RANBP9: variants seen among roughly 807,000 people sequenced by gnomAD.
RANBP9 encodes RAN binding protein 9, also known as ran-binding protein 9.
A neutral mutation model predicts 84.3 loss-of-function variants in RANBP9; 15 were observed. The observed-to-expected ratio is 0.18, with a 90% CI of 0.12 to 0.27. The LOEUF (loss-of-function observed/expected upper bound fraction) is 0.27. RANBP9 is among the 10% of genes least tolerant of loss of function. The pLI, the probability that RANBP9 is intolerant of heterozygous loss-of-function variation, is 1.00. For missense variants in RANBP9, 809 were observed against 912.8 expected (o/e 0.89, Z 1.46); for synonymous variants, 392 against 349.6 (o/e 1.12, Z -1.35).
intron 2 of RANBP9, among the ~76,000 whole-genome samples, chr6:13,676,224 A>G (rs889356452): frequency 6.6e-6 from 1 of 152,090 alleles, no homozygotes; most frequent in Admixed American, 6.6e-5. Context: ...TTCAAAAGTT[A>G]TCTGCATTCA....
intron 10 of RANBP9, among the ~76,000 whole-genome samples, chr6:13,635,655 G>C (rs1320800784): frequency 1.3e-5 from 2 of 151,154 alleles, no homozygotes; most frequent in African/African-American, 2.4e-5. Flanking sequence ...GGAAAAGGGG[G>C]ATATGGCCCT....
At position 13,684,027 on chromosome 6, in the gene RANBP9, A is replaced by T. The variant is rs545750010; in HGVS notation, c.683+12758T>A. Among the ~76,000 whole-genome samples, 8 of 152,298 alleles carry T rather than the reference A, an allele frequency of 5.3e-5. No homozygotes were observed. The South Asian group carries it at 1.7e-3, about 32-fold the overall frequency. On this transcript the variant is annotated intron_variant, in intron 2 of 13. Coordinates refer to ENST00000011619, the MANE Select transcript of RANBP9 (RefSeq NM_005493.3). ...AGAACATATCCAAAATCCAAGACTC[A>T]CATTCTGTTCATTCCATAAATATTG... is the stretch of plus-strand genomic sequence containing the variant.
chr6:13,649,293 T>C (rs1765240460), intron 5 of RANBP9, among the ~76,000 whole-genome samples: 2 of 152,090 alleles, frequency 1.3e-5, no homozygotes, highest in Non-Finnish European at 2.9e-5. Context: ...GATCATTGGC[T>C]ACCTGAGGGA....
At chr6:13,707,508 G>A (rs1758157291) in intron 1 of RANBP9, among the ~76,000 whole-genome samples, 1 of 152,130 alleles carries the variant, frequency 6.6e-6, no homozygotes, top group African/African-American at 2.4e-5. Flanking sequence ...TGTGATCACA[G>A]GATTTTATCT....
intron 2 of RANBP9, among the ~76,000 whole-genome samples, chr6:13,691,448 G>A (rs1053934613): frequency 3.3e-5 from 5 of 152,032 alleles, no homozygotes; most frequent in Non-Finnish European, 7.4e-5. Flanking sequence ...ATTTTCCAGG[G>A]TAAACCTAGA....
chr6:13,686,364 C>T (rs1328736001), intron 2 of RANBP9, among the ~76,000 whole-genome samples: 1 of 152,116 alleles, frequency 6.6e-6, no homozygotes, highest in Non-Finnish European at 1.5e-5. Flanking sequence ...TGGCTCACTA[C>T]AGCCTCTGCC....
At chr6:13,709,566 G>A (rs953026077) in intron 1 of RANBP9, among the ~76,000 whole-genome samples, 1 of 152,096 alleles carries the variant, frequency 6.6e-6, no homozygotes. Context: ...ATTAACAAAA[G>A]GTCCTAACTT....
chr6:13,664,407 C>G (rs957956757), intron 2 of RANBP9, among the ~76,000 whole-genome samples: 1 of 151,970 alleles, frequency 6.6e-6, no homozygotes, highest in African/African-American at 2.4e-5. Context: ...CTGCAATTCT[C>G]TTCAAACTGA....
At chr6:13,707,561 C>T (rs1390327105) in intron 1 of RANBP9, among the ~76,000 whole-genome samples, 2 of 152,134 alleles carry the variant, frequency 1.3e-5, no homozygotes, top group Admixed American at 6.5e-5. Context: ...AGAGGCAATA[C>T]TATGGGATTG....
At chr6:13,693,741 G>A (rs1453334627) in intron 2 of RANBP9, among the ~76,000 whole-genome samples, 9 of 152,042 alleles carry the variant, frequency 5.9e-5, no homozygotes, top group Non-Finnish European at 1.3e-4. Context: ...TATGAAAAAC[G>A]TATATATGTA....
chr6:13,700,166 G>A (rs1028299148), intron 1 of RANBP9, among the ~76,000 whole-genome samples: 1 of 152,168 alleles, frequency 6.6e-6, no homozygotes, highest in Non-Finnish European at 1.5e-5. Context: ...CAAACAATCT[G>A]ATGGAAAGAG....
At position 13,635,594 on chromosome 6, in the gene RANBP9, C is replaced by T. The variant is rs184625897; in HGVS notation, c.1674-1042G>A. On this transcript the variant is annotated intron_variant, in intron 10 of 13. Coordinates refer to ENST00000011619, the MANE Select transcript of RANBP9 (RefSeq NM_005493.3). ...GGGGGTGTGTGTGTGCATGCATACA[C>T]TCCTGTTAGTAAAATTGTTAAGGTA... Among the ~76,000 whole-genome samples the T allele has an allele frequency of 2.3e-4, 34 of 150,258 alleles. No individual in the cohort carries two copies. The East Asian group carries it at 6.4e-3, about 28-fold the overall frequency.
Position 13,710,925 on chromosome 6 carries a change from C to A in RANBP9, c.571+10G>T. On this transcript the variant is annotated intron_variant, in intron 1 of 13. Transcript: ENST00000011619. ...TGCCCCACTCCCACCGCAGGACACA[C>A]GCCCAGTACCTTTGTAGTGCACCCG... The A allele has an allele frequency of 6.3e-7, 1 of 1,596,898 alleles. No homozygotes were observed. The highest frequency in any genetic ancestry group is 8.5e-7 in the Non-Finnish European group (1 of 1,172,570).
Position 13,676,050 on chromosome 6 carries a change from T to C in RANBP9, c.684-17218A>G, listed in dbSNP as rs114387278. On this transcript the variant is annotated intron_variant, in intron 2 of 13. Coordinates refer to ENST00000011619, the MANE Select transcript of RANBP9 (RefSeq NM_005493.3). Reference sequence around the variant, plus strand: ...GAAGAACTCTGGTAACTAGATCGAATTGTAGTGTCAAAATAAACTCCATCC... The same window carrying C: ...GAAGAACTCTGGTAACTAGATCGAACTGTAGTGTCAAAATAAACTCCATCC... Among the ~76,000 whole-genome samples, 893 of 152,176 alleles carry C rather than the reference T, an allele frequency of 5.9e-3. 4 individuals carry two copies. The highest frequency in any genetic ancestry group is 0.02 in the African/African-American group (835 of 41,546).
chr6:13,658,640 C>G, intron 3 of RANBP9, 140 bp downstream of exon 3: 1 of 774,006 alleles, frequency 1.3e-6, no homozygotes, highest in Non-Finnish European at 2.1e-6. Context: ...AAACCCCACT[C>G]AGCTTTCACT....
intron 2 of RANBP9, among the ~76,000 whole-genome samples, chr6:13,683,124 T>G (rs1035228930): frequency 1.3e-5 from 2 of 152,222 alleles, no homozygotes; most frequent in African/African-American, 4.8e-5. Context: ...AACAATTACT[T>G]CTCATCAACC....
intron 2 of RANBP9, among the ~76,000 whole-genome samples, chr6:13,696,250 C>T (rs1757823065): frequency 6.6e-6 from 1 of 152,040 alleles, no homozygotes; most frequent in Non-Finnish European, 1.5e-5. Flanking sequence ...CACACCAATC[C>T]CAAGCTGAAA....
chr6:13,701,106 CT>C (rs757952751), intron 1 of RANBP9, among the ~76,000 whole-genome samples: 1 of 152,130 alleles, frequency 6.6e-6, no homozygotes, highest in Non-Finnish European at 1.5e-5. Flanking sequence ...TTTTTTCTCC[CT>C]TTTTCCTCTT....
chr6:13,623,110 G>A (rs1764500473), intron 13 of RANBP9, among the ~76,000 whole-genome samples: 1 of 152,042 alleles, frequency 6.6e-6, no homozygotes, highest in Non-Finnish European at 1.5e-5. Context: ...AATTTTCAGG[G>A]TCCTGCATAT....
Sources: allele counts gnomAD v4.1 joint callset (sites outside exome capture counted in the v4.1 genomes callset), GRCh38; gene constraint gnomAD v4.1.1; transcripts MANE v1.5; gene names NCBI Gene and HGNC (gene_info 2026-07-23, HGNC 2026-07-21).